The following TMEM266 variants were observed in gnomAD, a reference collection of about 807,000 sequenced individuals.
TMEM266 encodes transmembrane protein 266.
In TMEM266, 33 loss-of-function variants were observed where a neutral mutation model predicts 50.5. The ratio of observed to expected loss-of-function variants is 0.65; its 90% CI spans 0.50 to 0.87. TMEM266 has a LOEUF of 0.87. Among genes scored for constraint, TMEM266 ranks in the 40% least tolerant of loss-of-function variants. The pLI, the probability that TMEM266 is intolerant of heterozygous loss-of-function variation, is 0.00. For missense variants in TMEM266, 655 were observed against 695.1 expected (o/e 0.94, Z 0.65); for synonymous variants, 310 against 292.3 (o/e 1.06, Z -0.62).
In TMEM266 at chr15:76,204,100, GC is replaced by G. The variant is rs1042781007; in HGVS notation, c.1387del (p.Leu463SerfsTer20). ...DPAPLARPSP[A>X]GSAQTSPELE... is the part of the protein sequence containing the mutation. ...CCCTTCCCAGAAGGCCTTGGACCCA[GC>G]CCCCCTCGCCCGGCCCAGCCCAGCG... On this transcript the variant is annotated frameshift_variant, in exon 11 of 11. Coordinates refer to ENST00000388942, the MANE Select transcript of TMEM266 (RefSeq NM_152335.3). LOFTEE classifies it high-confidence loss of function. The G allele has an allele frequency of 9.3e-6, 15 of 1,612,556 alleles. No homozygotes were observed. Among genetic ancestry groups the G allele is most frequent in the African/African-American group, 1.3e-5 (1 of 74,844 alleles).
chr15:76,074,390 C>T (rs576192464), intron 1 of TMEM266, among the ~76,000 whole-genome samples: 1 of 151,970 alleles, frequency 6.6e-6, no homozygotes, highest in Non-Finnish European at 1.5e-5. Flanking sequence ...ATTCTTTTCG[C>T]CTTGCAAAGT....
chr15:76,094,091 TTTTGCTGTGCAG>T (rs2036890640), intron 1 of TMEM266, among the ~76,000 whole-genome samples: 4 of 152,122 alleles, frequency 2.6e-5, no homozygotes, highest in Admixed American at 1.3e-4. Context: ...TGATAGTTTC[TTTTGCTGTGCAG>T]AAGCTCTTTA....
intron 1 of TMEM266, among the ~76,000 whole-genome samples, chr15:76,132,674 A>G (rs961334501): frequency 1.3e-5 from 2 of 151,496 alleles, no homozygotes; most frequent in African/African-American, 2.4e-5. Flanking sequence ...GCATGCCTGT[A>G]GTCCCAGCTA....
chr15:76,111,818 C>T (rs2037174854), intron 1 of TMEM266, among the ~76,000 whole-genome samples: 1 of 152,228 alleles, frequency 6.6e-6, no homozygotes, highest in South Asian at 2.1e-4. Flanking sequence ...GTACAAAATC[C>T]TGCACCTGAC....
intron 3 of TMEM266, among the ~76,000 whole-genome samples, chr15:76,140,586 C>G (rs1233009600): frequency 2.0e-5 from 3 of 152,168 alleles, no homozygotes; most frequent in Admixed American, 2.0e-4. Context: ...TGCCCGCCTC[C>G]CAGTGCTCTT....
At chr15:76,180,607 CTTTTTTTTTTTT>C (rs59287886) in intron 8 of TMEM266, among the ~76,000 whole-genome samples, 4 of 63,170 alleles carry the variant, frequency 6.3e-5, no homozygotes, top group Admixed American at 2.8e-4. Context: ...TCATCTTAAG[CTTTTTTTTTTTT>C]TTTTTTTTTT....
At chr15:76,163,777 T>C (rs1324664407) in intron 5 of TMEM266, among the ~76,000 whole-genome samples, 2 of 152,224 alleles carry the variant, frequency 1.3e-5, no homozygotes, top group Non-Finnish European at 2.9e-5. Context: ...GCCCCAGCTC[T>C]TTCCCTGGGA....
intron 4 of TMEM266, among the ~76,000 whole-genome samples, chr15:76,157,528 G>T (rs1408709579): frequency 6.6e-6 from 1 of 152,174 alleles, no homozygotes; most frequent in African/African-American, 2.4e-5. Context: ...TCTGAGTGGA[G>T]AATCCACTGC....
Position 76,153,707 on chromosome 15 carries a change from T to G in TMEM266, c.228-2897T>G, listed in dbSNP as rs940017496. 6.7e-6 allele frequency among the ~76,000 whole-genome samples: 1 copy of G among 150,290 alleles called. No individual in the cohort carries two copies. The highest frequency in any genetic ancestry group is 2.5e-5 in the African/African-American group (1 of 40,666). ...GGGTGAGAGGTGTGAAGGATGAAAA[T>G]GGGGCTGGCAAAAGGGGAGGCAGGA... On this transcript the variant is annotated intron_variant, in intron 3 of 10. Transcript: ENST00000388942. This position sits in a 1 kb window ranked among gnomAD's most constrained non-coding sequence, Gnocchi z 4.2.
chr15:76,194,659 C>T (rs2038628728), intron 9 of TMEM266, among the ~76,000 whole-genome samples: 1 of 152,188 alleles, frequency 6.6e-6, no homozygotes, highest in African/African-American at 2.4e-5. Flanking sequence ...CCACGCCTCC[C>T]TCTGGCTCCT....
rs186866880 is a variant in TMEM266 at position 76,110,062 on chromosome 15, C to T, written c.-96-24106C>T. ...TCGCCCAGGCTGGAGTGCAATGGCG[C>T]GATCTCAGCTCACTGCAATCTCTGT... On this transcript the variant is annotated intron_variant, in intron 1 of 10. Coordinates refer to ENST00000388942, the MANE Select transcript of TMEM266 (RefSeq NM_152335.3). Among the ~76,000 whole-genome samples the T allele has an allele frequency of 1.4e-4, 21 of 152,008 alleles. No individual in the cohort carries two copies. In the East Asian group the frequency reaches 2.1e-3, roughly 15 times the overall value.
chr15:76,203,786 C>T lies in TMEM266; in HGVS notation c.1067C>T (p.Ala356Val). 6.2e-7 allele frequency: 1 copy of T among 1,614,176 alleles called. No homozygotes were observed. The highest frequency in any genetic ancestry group is 8.5e-7 in the Non-Finnish European group (1 of 1,180,004). Residue 356 changes from alanine (A) to valine (V), a missense_variant, in exon 11 of 11, where the codon GCA (alanine) becomes GTA (valine). Ala to Val is a moderately conservative substitution (Grantham distance 64). Transcript: ENST00000388942. ...GCTGTGTGTATGGTCACCACGGCCG[C>T]AATAGACATTCACCAGCCCAACATC...
At chr15:76,104,179 C>T (rs2142005629) in intron 1 of TMEM266, among the ~76,000 whole-genome samples, 1 of 148,218 alleles carries the variant, frequency 6.7e-6, no homozygotes, top group East Asian at 2.0e-4. Context: ...TGCACTCCAG[C>T]CTGGTGAAAG....
intron 1 of TMEM266, among the ~76,000 whole-genome samples, chr15:76,079,839 T>G (rs968542639): frequency 3.5e-3 from 368 of 105,124 alleles, no homozygotes; most frequent in African/African-American, 5.9e-3. Context: ...GGTGGGGGGG[T>G]GGGGGCAGTG....
intron 1 of TMEM266, among the ~76,000 whole-genome samples, chr15:76,127,268 G>T (rs1183266541): frequency 6.6e-6 from 1 of 150,980 alleles, no homozygotes; most frequent in Non-Finnish European, 1.5e-5. Flanking sequence ...GCTATGCGGG[G>T]GAAAAAAGAG....
intron 6 of TMEM266, among the ~76,000 whole-genome samples, chr15:76,170,403 G>C (rs1165041470): frequency 6.6e-6 from 1 of 152,126 alleles, no homozygotes; most frequent in Non-Finnish European, 1.5e-5. Context: ...TCAGTGCTGG[G>C]ATCTGACACA....
chr15:76,204,056 C>CCCTGTCGGAGGACCCCTGCCCTT lies in TMEM266; in HGVS notation c.1340_1362dup (p.Gln455CysfsTer36). On this transcript the variant is annotated frameshift_variant, in exon 11 of 11. Coordinates refer to ENST00000388942, the MANE Select transcript of TMEM266 (RefSeq NM_152335.3). LOFTEE classifies it high-confidence loss of function. The stretch of plus-strand genomic sequence containing the variant: ...GCCACAGTCCAGGACCTGCTGTCCT[C>CCCTGTCGGAGGACCCCTGCCCTT]CCTGTCGGAGGACCCCTGCCCTTCC... 3 of 1,612,394 alleles carry CCCTGTCGGAGGACCCCTGCCCTT rather than the reference C, an allele frequency of 1.9e-6. No homozygotes were observed. Among genetic ancestry groups the CCCTGTCGGAGGACCCCTGCCCTT allele is most frequent in the Non-Finnish European group, 2.5e-6 (3 of 1,179,218 alleles).
intron 1 of TMEM266, among the ~76,000 whole-genome samples, chr15:76,061,863 C>T (rs1458024979): frequency 6.6e-6 from 1 of 152,196 alleles, no homozygotes; most frequent in Non-Finnish European, 1.5e-5. Flanking sequence ...CACTGCCAGT[C>T]ATCAGAGCAA....
In TMEM266 at chr15:76,183,039, A is replaced by G. The variant is rs2038440849; in HGVS notation, c.768+7365A>G. ...ACTCCAATGCAGGTTGCAATGGGGC[A>G]GGGTGGAGGGACCCTCTGTTCCACA... On this transcript the variant is annotated intron_variant, in intron 8 of 10. Coordinates refer to ENST00000388942, the MANE Select transcript of TMEM266 (RefSeq NM_152335.3). Among the ~76,000 whole-genome samples, 3 of 142,884 alleles carry G rather than the reference A, an allele frequency of 2.1e-5. No homozygotes were observed. In the Admixed American group the frequency reaches 2.2e-4, roughly 10 times the overall value. 93.7% of individuals were successfully genotyped at this position (142,884 alleles called of 152,430 possible). A position where few individuals can be genotyped will look rare whatever the true frequency, so the allele number is the denominator to read the frequency against.
Sources: gnomAD v4.1 joint callset for allele counts (sites outside exome capture counted in the v4.1 genomes callset) on GRCh38, gnomAD v4.1.1 for gene constraint, Gnocchi (gnomAD v3.1) non-coding constraint, MANE v1.5 for transcripts, NCBI Gene and HGNC (gene_info 2026-07-23, HGNC 2026-07-21) for gene names.